SYNE2: variants seen among roughly 807,000 people sequenced by gnomAD.
SYNE2 encodes the protein spectrin repeat containing nuclear envelope protein 2.
In SYNE2, 431 loss-of-function variants were observed where a neutral mutation model predicts 856.3. The observed-to-expected ratio is 0.50, with a 90% confidence interval of 0.47 to 0.55. The LOEUF (loss-of-function observed/expected upper bound fraction) is 0.55, where lower values mean the gene tolerates loss of function less well. Among genes scored for constraint, SYNE2 ranks in the 20% least tolerant of loss-of-function variants. The pLI is 0.00. For missense variants in SYNE2, 8,129 were observed against 8,023.2 expected (o/e 1.01, Z -0.50); for synonymous variants, 2,923 against 2,872.3 (o/e 1.02, Z -0.56).
At chr14:64,130,571 G>A (rs537900201) in intron 76 of SYNE2, among the ~76,000 whole-genome samples, 1 of 152,292 alleles carries the variant, frequency 6.6e-6, no homozygotes, top group Non-Finnish European at 1.5e-5. Context: ...AATAGCAGAA[G>A]GTGACTTAGG....
chr14:63,900,394 G>C (rs1171095501), intron 1 of SYNE2, among the ~76,000 whole-genome samples: 3 of 152,182 alleles, frequency 2.0e-5, no homozygotes, highest in Non-Finnish European at 4.4e-5. Context: ...GGAAGGGAAG[G>C]AGGAGCAAGT....
intron 85 of SYNE2, among the ~76,000 whole-genome samples, chr14:64,156,398 A>G (rs1468295959): frequency 2.0e-5 from 3 of 152,158 alleles, no homozygotes; most frequent in Non-Finnish European, 4.4e-5. Context: ...CATTTCTAGC[A>G]AAAATGTACA....
chr14:64,154,572 C>T (rs1359459245), intron 85 of SYNE2, among the ~76,000 whole-genome samples: 3 of 151,944 alleles, frequency 2.0e-5, no homozygotes, highest in African/African-American at 4.8e-5. Flanking sequence ...GTGGGCAGAT[C>T]GCTTGAATTC....
intron 2 of SYNE2, among the ~76,000 whole-genome samples, chr14:63,921,801 A>G (rs938507233): frequency 6.6e-6 from 1 of 152,192 alleles, no homozygotes; most frequent in Non-Finnish European, 1.5e-5. Context: ...GCCAGTGTAG[A>G]CAACTCTTTC....
chr14:63,835,614 C>T (rs970330106), intron 1 of SYNE2, among the ~76,000 whole-genome samples: 2 of 151,750 alleles, frequency 1.3e-5, no homozygotes, highest in East Asian at 1.9e-4. Context: ...CCTGAAAGTA[C>T]ATGTTAATCT....
At chr14:63,794,190 GT>G in intron 1 of SYNE2, among the ~76,000 whole-genome samples, 1 of 152,192 alleles carries the variant, frequency 6.6e-6, no homozygotes, top group Middle Eastern at 3.4e-3. Flanking sequence ...ATTTATTTTT[GT>G]TGTTGTTACA....
intron 64 of SYNE2, among the ~76,000 whole-genome samples, chr14:64,105,062 A>C (rs2097762290): frequency 6.6e-6 from 1 of 152,168 alleles, no homozygotes; most frequent in Non-Finnish European, 1.5e-5. Flanking sequence ...ACATCCTGTC[A>C]GTGGCCAATG....
chr14:63,882,267 A>G (rs2094882117), intron 1 of SYNE2, among the ~76,000 whole-genome samples: 1 of 152,220 alleles, frequency 6.6e-6, no homozygotes, highest in Non-Finnish European at 1.5e-5. Context: ...AATTCCATTT[A>G]TGGTTTTAAT....
intron 1 of SYNE2, among the ~76,000 whole-genome samples, chr14:63,828,987 C>T (rs561511361): frequency 9.0e-4 from 137 of 152,016 alleles, no homozygotes; most frequent in African/African-American, 3.1e-3. Context: ...ATGCCACTTA[C>T]GATAGTACCA....
intron 11 of SYNE2, among the ~76,000 whole-genome samples, chr14:63,974,892 G>GTGTGTATATATATATATATATATATATA (rs1375697679): frequency 4.5e-5 from 3 of 67,326 alleles, no homozygotes; most frequent in Non-Finnish European, 6.2e-5. Context: ...GTGTGTGTGT[G>GTGTGTATATATATATATATATATATATA]TATATATATA....
At chr14:63,961,015 A>G (rs1240826038) in intron 8 of SYNE2, 1 of 502,580 alleles carries the variant, frequency 2.0e-6, no homozygotes, top group African/African-American at 1.9e-5. Context: ...CAGTAGATTT[A>G]CTTGTTCCAT....
chr14:64,009,383 A>G (rs2096825419), intron 31 of SYNE2, among the ~76,000 whole-genome samples: 1 of 152,006 alleles, frequency 6.6e-6, no homozygotes, highest in African/African-American at 2.4e-5. Flanking sequence ...TAAAAATACA[A>G]AAATTAGCCA....
chr14:64,193,544 G>C (rs548878368), intron 99 of SYNE2, among the ~76,000 whole-genome samples: 1 of 150,138 alleles, frequency 6.7e-6, no homozygotes, highest in Non-Finnish European at 1.5e-5. Context: ...AGCGAACTCC[G>C]TCTCAAAAAA....
At chr14:64,100,514 CA>C (rs35489245) in intron 63 of SYNE2, among the ~76,000 whole-genome samples, 784 of 23,604 alleles carry the variant, frequency 0.033, 16 homozygotes, top group Admixed American at 0.057. Context: ...AAAACTGTCT[CA>C]AAAAAAAAAA....
chr14:64,207,125 C>T (rs1268135104), intron 100 of SYNE2, among the ~76,000 whole-genome samples: 1 of 152,222 alleles, frequency 6.6e-6, no homozygotes, highest in African/African-American at 2.4e-5. Flanking sequence ...GTGGAAAACA[C>T]ATCTCTTCTG....
intron 2 of SYNE2, among the ~76,000 whole-genome samples, chr14:63,927,742 A>C (rs2153390973): frequency 6.6e-6 from 1 of 152,098 alleles, no homozygotes; most frequent in African/African-American, 2.4e-5. Context: ...AAATACAAAA[A>C]TTAGCCAGGT....
chr14:63,829,314 G>C (rs1366405086), intron 1 of SYNE2, among the ~76,000 whole-genome samples: 1 of 152,076 alleles, frequency 6.6e-6, no homozygotes, highest in Non-Finnish European at 1.5e-5. Flanking sequence ...CTACTCGGGA[G>C]GCTGAGGCGA....
intron 1 of SYNE2, among the ~76,000 whole-genome samples, chr14:63,787,685 C>T (rs956319026): frequency 6.6e-6 from 1 of 152,190 alleles, no homozygotes; most frequent in African/African-American, 2.4e-5. Flanking sequence ...ATCTCTCCAT[C>T]CTCTGCCCTG....
chr14:64,099,090 T>C (rs146617001), intron 63 of SYNE2: 42 of 431,006 alleles, frequency 9.7e-5, no homozygotes, highest in African/African-American at 6.8e-4. Flanking sequence ...TCCTGATTTC[T>C]GAGGACTTTC....
Sources: gnomAD v4.1 joint callset for allele counts (sites outside exome capture counted in the v4.1 genomes callset) on GRCh38, gnomAD v4.1.1 for gene constraint, MANE v1.5 for transcripts, NCBI Gene and HGNC (gene_info 2026-07-23, HGNC 2026-07-21) for gene names.